Variants in THSD7A observed in about 807,000 individuals in gnomAD.
The protein encoded by THSD7A is thrombospondin type-1 domain-containing protein 7A.
A neutral mutation model predicts 231.3 loss-of-function variants in THSD7A; 96 were observed. That is an observed-to-expected ratio of 0.41 (90% CI 0.35 to 0.49). The LOEUF is 0.49. Ranked by LOEUF, THSD7A falls within the 20% of genes least tolerant of loss-of-function variation. THSD7A has a pLI of 0.05. For synonymous variants in THSD7A, 940 were observed against 743.3 expected (o/e 1.26, Z -4.30); for missense variants, 2,290 against 2,070.2 (o/e 1.11, Z -2.06).
rs118152269 is a variant in THSD7A at position 11,589,494 on chromosome 7, G to A, written c.1453+966C>T. ...GGCTCTATTTCTACTACTCCCTTAC[G>A]CTCATTCTGAAACTTGGTTGTATGG... is the stretch of plus-strand genomic sequence containing the variant. On this transcript the variant is annotated intron_variant, in intron 4 of 27. Coordinates refer to ENST00000423059, the MANE Select transcript of THSD7A (RefSeq NM_015204.3). Among the ~76,000 whole-genome samples the A allele has an allele frequency of 1.2e-3, 178 of 152,144 alleles. 4 individuals carry two copies. The East Asian group carries it at 0.024, about 20-fold the overall frequency.
intron 1 of THSD7A, among the ~76,000 whole-genome samples, chr7:11,757,958 G>T (rs939170133): frequency 6.7e-6 from 1 of 148,584 alleles, no homozygotes; most frequent in Non-Finnish European, 1.5e-5. Context: ...ATTTTTTATT[G>T]ACCACTTACT....
chr7:11,392,627 C>T (rs571169294), intron 23 of THSD7A, among the ~76,000 whole-genome samples: 2 of 152,334 alleles, frequency 1.3e-5, no homozygotes, highest in East Asian at 1.9e-4. Context: ...AGCTAAGATC[C>T]ACTGGCTTGA....
intron 13 of THSD7A, among the ~76,000 whole-genome samples, chr7:11,438,605 GAT>G (rs1668215108): frequency 6.6e-6 from 1 of 151,986 alleles, no homozygotes; most frequent in South Asian, 2.1e-4. Flanking sequence ...ATGTTAAAGA[GAT>G]ATTATATTAA....
At chr7:11,828,015 A>C (rs185632587) in intron 1 of THSD7A, among the ~76,000 whole-genome samples, 179 of 152,140 alleles carry the variant, frequency 1.2e-3, no homozygotes, top group African/African-American at 4.2e-3. Flanking sequence ...CTCACTCTTC[A>C]CTATAACTTC....
At chr7:11,391,519 C>G (rs1782980367) in intron 23 of THSD7A, among the ~76,000 whole-genome samples, 1 of 152,192 alleles carries the variant, frequency 6.6e-6, no homozygotes, top group Admixed American at 6.5e-5. Context: ...TGGATCTTAG[C>G]TTGCTGGGTT....
At chr7:11,493,100 A>G (rs1786966135) in intron 6 of THSD7A, among the ~76,000 whole-genome samples, 1 of 152,118 alleles carries the variant, frequency 6.6e-6, no homozygotes, top group Non-Finnish European at 1.5e-5. Context: ...CAGCGTTATT[A>G]ACATTTGTAA....
chr7:11,450,025 C>T (rs1785094658), intron 11 of THSD7A, among the ~76,000 whole-genome samples: 3 of 151,972 alleles, frequency 2.0e-5, no homozygotes, highest in African/African-American at 7.2e-5. Flanking sequence ...CTACTTTTAC[C>T]TACTCATTCC....
intron 6 of THSD7A, among the ~76,000 whole-genome samples, chr7:11,482,481 C>T (rs921076040): frequency 6.6e-6 from 1 of 152,152 alleles, no homozygotes; most frequent in Non-Finnish European, 1.5e-5. Context: ...AATTGGCAAC[C>T]TTCTTCTTTC....
At chr7:11,420,724 G>A (rs1784115937) in intron 16 of THSD7A, among the ~76,000 whole-genome samples, 1 of 152,194 alleles carries the variant, frequency 6.6e-6, no homozygotes, top group African/African-American at 2.4e-5. Context: ...CTGTGCACCT[G>A]GAAAAGCTAT....
At chr7:11,425,840 A>G (rs1339025512) in intron 15 of THSD7A, among the ~76,000 whole-genome samples, 1 of 152,070 alleles carries the variant, frequency 6.6e-6, no homozygotes, top group Non-Finnish European at 1.5e-5. Context: ...AATGAATTCT[A>G]GAAAAGATAG....
chr7:11,437,336 T>G (rs912803901), intron 13 of THSD7A, among the ~76,000 whole-genome samples: 2 of 152,114 alleles, frequency 1.3e-5, no homozygotes, highest in Non-Finnish European at 2.9e-5. Flanking sequence ...GTGAGCTTAG[T>G]GCTGATCTCC....
At chr7:11,671,450 G>GT (rs1273367058) in intron 1 of THSD7A, among the ~76,000 whole-genome samples, 3 of 152,126 alleles carry the variant, frequency 2.0e-5, no homozygotes, top group African/African-American at 7.2e-5. Context: ...TTTGAAATAT[G>GT]TAAGACATTC....
intron 1 of THSD7A, among the ~76,000 whole-genome samples, chr7:11,638,132 A>G (rs981360102): frequency 6.6e-6 from 1 of 152,102 alleles, no homozygotes; most frequent in African/African-American, 2.4e-5. Flanking sequence ...CTCTATTTGT[A>G]TTATTAGTTT....
At chr7:11,800,426 G>A (rs1371232749) in intron 1 of THSD7A, among the ~76,000 whole-genome samples, 1 of 152,114 alleles carries the variant, frequency 6.6e-6, no homozygotes, top group African/African-American at 2.4e-5. Flanking sequence ...ATGGGCGCCT[G>A]TAATCCCAGC....
chr7:11,546,688 C>T (rs1438421733), intron 4 of THSD7A, among the ~76,000 whole-genome samples: 1 of 152,116 alleles, frequency 6.6e-6, no homozygotes, highest in Non-Finnish European at 1.5e-5. Flanking sequence ...AATGACTGCA[C>T]TAGTTCCCCA....
At chr7:11,379,817 C>G in intron 24 of THSD7A, 105 bp from the exon 25 acceptor site, 1 of 1,272,302 alleles carries the variant, frequency 7.9e-7, no homozygotes, top group East Asian at 2.5e-5. Context: ...CTTGGGAATC[C>G]CAGGAATTTT....
intron 1 of THSD7A, among the ~76,000 whole-genome samples, chr7:11,776,979 G>A (rs776511756): frequency 2.6e-5 from 4 of 152,056 alleles, no homozygotes; most frequent in East Asian, 1.9e-4. Context: ...ACCATTGTAC[G>A]TTTGTTCATT....
chr7:11,640,502 C>A lies in THSD7A; in HGVS notation c.191-3541G>T, dbSNP rs111496880. Reference sequence around the variant, plus strand: ...ATCTATATTTAATTACAATCAGAACCGCAGTGTAACCTTGAGAACCTCTAA... The same window carrying A: ...ATCTATATTTAATTACAATCAGAACAGCAGTGTAACCTTGAGAACCTCTAA... On this transcript the variant is annotated intron_variant, in intron 1 of 27. Transcript: ENST00000423059. 7.5e-3 allele frequency among the ~76,000 whole-genome samples: 1,139 copies of A among 152,072 alleles called. 11 individuals are homozygous for A. Among genetic ancestry groups the A allele is most frequent in the African/African-American group, 0.026 (1,073 of 41,502 alleles).
rs1265393247 is a variant in THSD7A at position 11,379,131 on chromosome 7, G to A, written c.4740C>T (p.Thr1580=). 1 of 1,613,650 alleles carries A rather than the reference G, an allele frequency of 6.2e-7. No individual in the cohort carries two copies. The highest frequency in any genetic ancestry group is 2.2e-5 in the East Asian group (1 of 44,848). The change falls in exon 26 of 28, where the codon ACC becomes ACT. Residue 1580 remains threonine, a synonymous_variant. Transcript: ENST00000423059. ...GTCCTGCTGGGTTACTGGAGGGTTG[G>A]GTTGGATGTACAGCCCGACTGGTTT... The part of the protein sequence containing the change: ...DVKTSRAVHP[T]QPSSNPAGRG...
Sources: allele counts gnomAD v4.1 joint callset (sites outside exome capture counted in the v4.1 genomes callset), GRCh38; gene constraint gnomAD v4.1.1; transcripts MANE v1.5; gene names NCBI Gene and HGNC (gene_info 2026-07-23, HGNC 2026-07-21).